Variants in KNDC1 observed in about 807,000 individuals in gnomAD.
The protein encoded by KNDC1 is kinase non-catalytic C-lobe domain-containing protein 1.
KNDC1 carries 106 observed loss-of-function variants against 172.8 expected under a neutral mutation model. The ratio of observed to expected loss-of-function variants is 0.61; its 90% CI spans 0.52 to 0.72. The LOEUF (loss-of-function observed/expected upper bound fraction) is 0.72, where lower values mean the gene tolerates loss of function less well. Among genes scored for constraint, KNDC1 ranks in the 30% least tolerant of loss-of-function variants. KNDC1 has a pLI of 0.00. For synonymous variants in KNDC1, 1,083 were observed against 1,062.2 expected, an observed-to-expected ratio of 1.02 and a Z score of -0.38; for missense variants, 2,325 against 2,394.5, an observed-to-expected ratio of 0.97 and a Z score of 0.61.
At chr10:133,177,299 A>G (rs944775566) in intron 3 of KNDC1, among the ~76,000 whole-genome samples, 3 of 152,040 alleles carry the variant, frequency 2.0e-5, no homozygotes, top group Non-Finnish European at 4.4e-5. Flanking sequence ...GTGTGCATCT[A>G]TGTAGTGTGT....
At chr10:133,199,730 A>C in intron 15 of KNDC1, 128 bp downstream of exon 15, 2 of 1,094,292 alleles carry the variant, frequency 1.8e-6, no homozygotes, top group Non-Finnish European at 2.6e-6. Context: ...CTGTCTCCAG[A>C]GGGGCTACCC....
rs774945651 is a variant in KNDC1 at position 133,199,006 on chromosome 10, G to A, written c.2498G>A (p.Arg833Gln). ...CCACGCCACCCGCCCAAGCCCCCAC[G>A]AAGCAAGGCCACCGAGCGCCCGGGC... ...HGPRHPPKPP[R>Q]SKATERPGQE... The change falls in exon 14 of 30, where the codon CGA (arginine) becomes CAA (glutamine). Residue 833 changes from arginine to glutamine, a missense_variant. Coordinates refer to ENST00000304613, the MANE Select transcript of KNDC1 (RefSeq NM_152643.8). 2.8e-5 allele frequency: 43 copies of A among 1,560,394 alleles called. No homozygotes were observed. The highest frequency in any genetic ancestry group is 4.1e-5 in the African/African-American group (3 of 73,406).
At chr10:133,172,190 T>C (rs1260648848) in intron 3 of KNDC1, among the ~76,000 whole-genome samples, 1 of 151,946 alleles carries the variant, frequency 6.6e-6, no homozygotes, top group Non-Finnish European at 1.5e-5. Flanking sequence ...ACTCCCCCCA[T>C]CCCCCATTCT....
chr10:133,214,709 C>T (rs1038441479), intron 26 of KNDC1, among the ~76,000 whole-genome samples: 5 of 152,238 alleles, frequency 3.3e-5, no homozygotes, highest in African/African-American at 9.6e-5. Flanking sequence ...GGATCGGCTC[C>T]GTGGTCTGAC....
At position 133,224,959 on chromosome 10, in the gene KNDC1, G is replaced by C; in HGVS notation, c.*69G>C. 1 of 1,304,386 alleles carries C rather than the reference G, an allele frequency of 7.7e-7. No individual in the cohort carries two copies. The highest frequency in any genetic ancestry group is 1.1e-6 in the Non-Finnish European group (1 of 917,960). The allele number at this position is 1,304,386 out of a possible 1,614,324, so 80.8% of individuals were successfully genotyped here. A position where few individuals can be genotyped will look rare whatever the true frequency, so the allele number is the denominator to read the frequency against. The stretch of plus-strand genomic sequence containing the variant: ...GTGGGGGGCGGGCTGGGAGGTGGGA[G>C]CCGCGTCTCAGGCCCGGCCGTTATC... On this transcript the variant is annotated 3_prime_UTR_variant, in exon 30 of 30. Coordinates refer to ENST00000304613, the MANE Select transcript of KNDC1 (RefSeq NM_152643.8). This position sits in a 1 kb window ranked among gnomAD's most constrained non-coding sequence, Gnocchi z 5.4.
At chr10:133,173,535 G>T (rs1233359729) in intron 3 of KNDC1, among the ~76,000 whole-genome samples, 1 of 151,922 alleles carries the variant, frequency 6.6e-6, no homozygotes, top group East Asian at 1.9e-4. Context: ...TAGCCCCTGA[G>T]TTATTTTAAC....
rs138486902 is a variant in KNDC1 at position 133,204,722 on chromosome 10, C to T, written c.3388-1963C>T. On this transcript the variant is annotated intron_variant, in intron 17 of 29. Coordinates refer to ENST00000304613, the MANE Select transcript of KNDC1 (RefSeq NM_152643.8). The stretch of plus-strand genomic sequence containing the variant: ...ACCCTGTCAATAGCAGAGTCACTGG[C>T]GGCTGACAAGGCGAGGGGGTGGCTG... 3.5e-3 allele frequency among the ~76,000 whole-genome samples: 537 copies of T among 152,342 alleles called. 2 individuals carry two copies. The highest frequency in any genetic ancestry group is 0.014 in the Middle Eastern group (4 of 294).
intron 4 of KNDC1, 25 bp from the exon 5 acceptor site, chr10:133,183,847 C>A: frequency 2.0e-6 from 3 of 1,519,496 alleles, no homozygotes; most frequent in Admixed American, 1.9e-5. Context: ...CCGAGCCTTC[C>A]TGTCTGAGGT....
intron 19 of KNDC1, 86 bp downstream of exon 19, chr10:133,207,039 T>C: frequency 6.5e-7 from 1 of 1,535,004 alleles, no homozygotes; most frequent in Non-Finnish European, 9.0e-7. Flanking sequence ...AATCTGTCCG[T>C]GTGAAGTTAT....
intron 1 of KNDC1, among the ~76,000 whole-genome samples, chr10:133,166,001 A>G (rs1853139214): frequency 6.6e-6 from 1 of 152,196 alleles, no homozygotes; most frequent in African/African-American, 2.4e-5. Flanking sequence ...AGCCAGCCCC[A>G]TGGCCAGGCC....
In KNDC1 at chr10:133,189,765, G is replaced by A. The variant is rs141589989; in HGVS notation, c.1527G>A (p.Ser509=). ...QPPPANGSYD[S]FFLAPELAEE... Reference sequence around the variant, plus strand: ...TTTCTCTCTTAGGTTCCTATGACTCGTTCTTTCTGGCTCCCGAGCTGGCAG... The same window carrying A: ...TTTCTCTCTTAGGTTCCTATGACTCATTCTTTCTGGCTCCCGAGCTGGCAG... Residue 509 remains serine, a synonymous_variant, in exon 9 of 30, where the codon TCG becomes TCA. Coordinates refer to ENST00000304613, the MANE Select transcript of KNDC1 (RefSeq NM_152643.8). 1.8e-4 allele frequency: 285 copies of A among 1,614,028 alleles called. No individual in the cohort carries two copies. In the African/African-American group the frequency reaches 2.2e-3, roughly 12 times the overall value.
At chr10:133,179,182 C>G (rs1853642486) in intron 3 of KNDC1, 1 of 152,194 alleles carries the variant, frequency 6.6e-6, no homozygotes. Flanking sequence ...GGGCTCTGAC[C>G]CACTTCCTGG....
At chr10:133,217,012 C>T (rs971789327) in intron 26 of KNDC1, among the ~76,000 whole-genome samples, 4 of 152,090 alleles carry the variant, frequency 2.6e-5, no homozygotes, top group African/African-American at 9.7e-5. Flanking sequence ...GGGTGGGCGC[C>T]GGGGGCTGGG....
chr10:133,183,989 G>A lies in KNDC1; in HGVS notation c.625G>A (p.Asp209Asn). 2 of 1,559,912 alleles carry A rather than the reference G, an allele frequency of 1.3e-6. 1 individual carries two copies. Among genetic ancestry groups the A allele is most frequent in the African/African-American group, 2.7e-5 (2 of 73,368 alleles). Residue 209 changes from aspartate to asparagine, a missense_variant and splice_region_variant, in exon 5 of 30, where the codon GAT becomes AAT. Coordinates refer to ENST00000304613, the MANE Select transcript of KNDC1 (RefSeq NM_152643.8). ...LSIESFGALQ[D>N]VSESSWRERP... ...CATCGAGTCCTTCGGAGCGCTGCAG[G>A]GTGAGTTCTTGAACCCACACACGTG...
Position 133,199,365 on chromosome 10 carries a change from C to A in KNDC1, c.2759-93C>A, listed in dbSNP as rs1283202368. 1.9e-6 allele frequency: 3 copies of A among 1,566,874 alleles called. No individual in the cohort carries two copies. In the African/African-American group the frequency reaches 4.0e-5, roughly 21 times the overall value. On this transcript the variant is annotated intron_variant, in intron 14 of 29. Transcript: ENST00000304613. Reference sequence around the variant, plus strand: ...CACGCCCTTCCCCCAGCCCCCCAGCCGAGATCAGCCTTGTCCGTTTCATCA... The same window carrying A: ...CACGCCCTTCCCCCAGCCCCCCAGCAGAGATCAGCCTTGTCCGTTTCATCA...
chr10:133,213,244 C>G (rs553802725), intron 24 of KNDC1, among the ~76,000 whole-genome samples: 4 of 152,238 alleles, frequency 2.6e-5, no homozygotes, highest in East Asian at 1.9e-4. Flanking sequence ...TCTCTCCCCC[C>G]AGCCCCTCCA....
chr10:133,215,618 G>A (rs1016487304), intron 26 of KNDC1, among the ~76,000 whole-genome samples: 1 of 152,266 alleles, frequency 6.6e-6, no homozygotes, highest in Non-Finnish European at 1.5e-5. Flanking sequence ...GGCTTCATGA[G>A]GATGAGCACA....
intron 4 of KNDC1, 150 bp downstream of exon 4, chr10:133,183,640 G>T: frequency 9.5e-7 from 1 of 1,047,906 alleles, no homozygotes; most frequent in Non-Finnish European, 1.3e-6. Context: ...AGGAGGACTT[G>T]GTTTTTTATT....
chr10:133,182,966 ACAGGCGGTGTG>A (rs1853764903), intron 3 of KNDC1, among the ~76,000 whole-genome samples: 1 of 140,302 alleles, frequency 7.1e-6, no homozygotes, highest in Non-Finnish European at 1.6e-5. Context: ...CGGTGTGGGC[ACAGGCGGTGTG>A]GGCACAGGCG....
Sources: allele counts gnomAD v4.1 joint callset (sites outside exome capture counted in the v4.1 genomes callset), GRCh38; gene constraint gnomAD v4.1.1; non-coding constraint Gnocchi (gnomAD v3.1); transcripts MANE v1.5; gene names NCBI Gene and HGNC (gene_info 2026-07-23, HGNC 2026-07-21).